Variants in RAPGEF4 observed in about 807,000 individuals in gnomAD.
The protein encoded by RAPGEF4 is RAP guanine-nucleotide-exchange factor (GEF) 4.
In RAPGEF4, 66 loss-of-function variants were observed where a neutral mutation model predicts 147.9. The ratio of observed to expected loss-of-function variants is 0.45; its 90% CI spans 0.37 to 0.55. The LOEUF (loss-of-function observed/expected upper bound fraction) is 0.55. RAPGEF4 is among the 20% of genes least tolerant of loss of function. The probability of loss-of-function intolerance (pLI) is 0.00; values close to 1 mark genes in which losing one functional copy is unlikely to be tolerated. For synonymous variants in RAPGEF4, 419 were observed against 442.7 expected, an observed-to-expected ratio of 0.95 and a Z score of 0.67; for missense variants, 1,071 against 1,257.3, an observed-to-expected ratio of 0.85 and a Z score of 2.24.
At position 172,794,347 on chromosome 2, in the gene RAPGEF4, C is replaced by CAAAAAAAA. The variant is rs59850502; in HGVS notation, c.66-667_66-660dup. Among the ~76,000 whole-genome samples, 175 of 101,024 alleles carry CAAAAAAAA rather than the reference C, an allele frequency of 1.7e-3. 1 individual carries two copies. Among genetic ancestry groups the CAAAAAAAA allele is most frequent in the East Asian group, 5.0e-3 (19 of 3,802 alleles). 66.3% of individuals were successfully genotyped at this position (101,024 alleles called of 152,430 possible). ...GGGCAACAAAAGTGAAACTCCATCT[C>CAAAAAAAA]AAAAAAAAAAAAAAAAAAGAAAAAA... On this transcript the variant is annotated intron_variant, in intron 1 of 30. Transcript: ENST00000397081.
In RAPGEF4 at chr2:172,804,987, C is replaced by T. The variant is rs989123997; in HGVS notation, c.297+7374C>T. Among the ~76,000 whole-genome samples, 8 of 152,220 alleles carry T rather than the reference C, an allele frequency of 5.3e-5. No individual in the cohort carries two copies. The South Asian group carries it at 8.3e-4, about 16-fold the overall frequency. ...GCCAGAAGTTGGCCATTGTAGGAGG[C>T]GTGAGTTGCAGGCTGACTGGGCCTT... On this transcript the variant is annotated intron_variant, in intron 3 of 30. Transcript: ENST00000397081.
chr2:172,857,172 G>A (rs72908211), intron 4 of RAPGEF4, among the ~76,000 whole-genome samples: 6,190 of 121,824 alleles, frequency 0.051, 153 homozygotes, highest in East Asian at 0.13. Context: ...GCGTGTGCGC[G>A]CGCACACACA....
intron 29 of RAPGEF4, among the ~76,000 whole-genome samples, chr2:173,041,776 C>T (rs1244841237): frequency 6.6e-6 from 1 of 152,214 alleles, no homozygotes; most frequent in African/African-American, 2.4e-5. Flanking sequence ...GACCTGCCTT[C>T]TTCTCCTTTT....
intron 4 of RAPGEF4, among the ~76,000 whole-genome samples, chr2:172,898,538 C>T (rs1698752823): frequency 6.6e-6 from 1 of 152,182 alleles, no homozygotes; most frequent in Non-Finnish European, 1.5e-5. Context: ...CCCTGACACC[C>T]ATGGGTGAGA....
chr2:172,775,689 T>C (rs184109021), intron 1 of RAPGEF4, among the ~76,000 whole-genome samples: 25 of 152,070 alleles, frequency 1.6e-4, no homozygotes, highest in Admixed American at 1.4e-3. Flanking sequence ...TATATTAGAC[T>C]CAGTGGGTAT....
At chr2:172,940,621 C>T (rs1341211559) in intron 6 of RAPGEF4, among the ~76,000 whole-genome samples, 1 of 152,126 alleles carries the variant, frequency 6.6e-6, no homozygotes, top group East Asian at 1.9e-4. Context: ...GAACCATGAG[C>T]CAATTCAACC....
intron 3 of RAPGEF4, among the ~76,000 whole-genome samples, chr2:172,801,168 A>G (rs1252124410): frequency 6.6e-6 from 1 of 152,186 alleles, no homozygotes; most frequent in African/African-American, 2.4e-5. Context: ...ACATGGGCAA[A>G]CTGAGATTTG....
chr2:172,776,480 G>C (rs1206322346), intron 1 of RAPGEF4, among the ~76,000 whole-genome samples: 1 of 152,058 alleles, frequency 6.6e-6, no homozygotes, highest in Non-Finnish European at 1.5e-5. Flanking sequence ...TTTTTAACTG[G>C]AAAATTTTCA....
At chr2:172,749,608 C>T (rs1190758788) in intron 1 of RAPGEF4, among the ~76,000 whole-genome samples, 1 of 152,232 alleles carries the variant, frequency 6.6e-6, no homozygotes, top group East Asian at 1.9e-4. Flanking sequence ...GGAAGGGCTG[C>T]TGCAAAGGTC....
At chr2:173,000,174 G>A (rs780537828) in intron 16 of RAPGEF4, among the ~76,000 whole-genome samples, 40 of 152,224 alleles carry the variant, frequency 2.6e-4, no homozygotes, top group Middle Eastern at 3.4e-3. Context: ...TCAGTATAAC[G>A]GGACTGAAGA....
At chr2:172,996,744 C>T (rs1448012311) in intron 16 of RAPGEF4, among the ~76,000 whole-genome samples, 190 bp downstream of exon 16, 5 of 152,226 alleles carry the variant, frequency 3.3e-5, no homozygotes. Context: ...CCTCCCCAAT[C>T]CTGACTGTTC....
chr2:172,969,735 TA>T (rs1690255007), intron 10 of RAPGEF4, among the ~76,000 whole-genome samples: 1 of 152,248 alleles, frequency 6.6e-6, no homozygotes, highest in South Asian at 2.1e-4. Flanking sequence ...TGCTGTATGC[TA>T]GGAACATTCA....
chr2:172,953,068 T>TC (rs1403005318), intron 6 of RAPGEF4, among the ~76,000 whole-genome samples: 1 of 152,074 alleles, frequency 6.6e-6, no homozygotes, highest in African/African-American at 2.4e-5. Flanking sequence ...CACCATGCAG[T>TC]CTTCTGTATT....
chr2:172,942,954 T>A (rs1687317480), intron 6 of RAPGEF4, among the ~76,000 whole-genome samples: 1 of 152,144 alleles, frequency 6.6e-6, no homozygotes, highest in African/African-American at 2.4e-5. Context: ...CACATCTGGC[T>A]GGCGGCCACT....
At chr2:172,953,253 T>C (rs1688396771) in intron 6 of RAPGEF4, among the ~76,000 whole-genome samples, 1 of 147,900 alleles carries the variant, frequency 6.8e-6, no homozygotes, top group East Asian at 1.9e-4. Flanking sequence ...TTATATATTA[T>C]ATCTATTATT....
intron 1 of RAPGEF4, chr2:172,744,416 A>G (rs771243970): frequency 1.1e-5 from 5 of 456,512 alleles, no homozygotes; most frequent in Middle Eastern, 6.5e-4. Flanking sequence ...AGTAATGGCT[A>G]TGTTGAGGTG....
At chr2:172,891,909 A>G (rs1042752144) in intron 4 of RAPGEF4, among the ~76,000 whole-genome samples, 1 of 152,242 alleles carries the variant, frequency 6.6e-6, no homozygotes, top group Non-Finnish European at 1.5e-5. Context: ...TCAAAGCCCA[A>G]GAGAGGGGAA....
At chr2:172,958,537 GTC>G (rs759573195) in intron 6 of RAPGEF4, among the ~76,000 whole-genome samples, 9 of 152,216 alleles carry the variant, frequency 5.9e-5, no homozygotes, top group Non-Finnish European at 1.2e-4. Flanking sequence ...TGAGCTCATA[GTC>G]TCTCTCCATC....
At chr2:172,927,820 T>C (rs1248757517) in intron 6 of RAPGEF4, among the ~76,000 whole-genome samples, 1 of 152,226 alleles carries the variant, frequency 6.6e-6, no homozygotes, top group Admixed American at 6.5e-5. Flanking sequence ...GTGTCACCGA[T>C]GTTCCCCTAG....
Sources: gnomAD v4.1 joint callset for allele counts (sites outside exome capture counted in the v4.1 genomes callset) on GRCh38, gnomAD v4.1.1 for gene constraint, MANE v1.5 for transcripts, NCBI Gene and HGNC (gene_info 2026-07-23, HGNC 2026-07-21) for gene names.